Variants in SND1 observed in about 807,000 individuals in gnomAD.
SND1 encodes the protein staphylococcal nuclease domain-containing protein 1.
Under a neutral mutation model 121.7 loss-of-function variants are expected in SND1, and 38 were observed. That is an observed-to-expected ratio of 0.31 (90% CI 0.24 to 0.41). The LOEUF (loss-of-function observed/expected upper bound fraction) is 0.41. SND1 is among the 10% of genes least tolerant of loss of function. The probability of loss-of-function intolerance (pLI) is 1.00; values close to 1 mark genes in which losing one functional copy is unlikely to be tolerated. For synonymous variants in SND1, 401 were observed against 447.4 expected (o/e 0.90, Z 1.31); for missense variants, 868 against 1,184.6 (o/e 0.73, Z 3.92).
chr7:127,755,124 A>G (rs960785782), intron 10 of SND1, among the ~76,000 whole-genome samples: 13 of 152,172 alleles, frequency 8.5e-5, no homozygotes, highest in Non-Finnish European at 4.4e-5. Flanking sequence ...TGATGCCAAG[A>G]AGTGTATATT....
intron 15 of SND1, among the ~76,000 whole-genome samples, chr7:127,944,039 G>A (rs950571972): frequency 6.6e-6 from 1 of 152,170 alleles, no homozygotes; most frequent in Admixed American, 6.5e-5. Context: ...CTTCCACTAT[G>A]CCATTGGCTC....
At chr7:127,774,122 A>G (rs960408335) in intron 10 of SND1, among the ~76,000 whole-genome samples, 3 of 152,166 alleles carry the variant, frequency 2.0e-5, no homozygotes, top group Admixed American at 6.5e-5. Flanking sequence ...GGCAGTAGGT[A>G]TTTTAGAAGA....
intron 16 of SND1, among the ~76,000 whole-genome samples, 159 bp from the exon 17 acceptor site, chr7:128,074,341 TGA>T (rs1235995085): frequency 3.9e-5 from 6 of 152,168 alleles, no homozygotes; most frequent in Admixed American, 2.6e-4. Context: ...TCTGTTCCCG[TGA>T]GAGGCTGAAA....
chr7:127,673,453 A>G (rs1222563506), intron 1 of SND1, among the ~76,000 whole-genome samples: 3 of 152,138 alleles, frequency 2.0e-5, no homozygotes, highest in African/African-American at 4.8e-5. Flanking sequence ...CTGGGACTAC[A>G]GACACATGTC....
At chr7:127,940,197 C>G (rs1801162977) in intron 15 of SND1, among the ~76,000 whole-genome samples, 1 of 152,134 alleles carries the variant, frequency 6.6e-6, no homozygotes, top group Non-Finnish European at 1.5e-5. Flanking sequence ...GATGGCTTTT[C>G]TCTGTTGGAT....
At chr7:127,779,894 C>G (rs1797688071) in intron 10 of SND1, among the ~76,000 whole-genome samples, 1 of 152,226 alleles carries the variant, frequency 6.6e-6, no homozygotes, top group South Asian at 2.1e-4. Context: ...TGAGGCTTCT[C>G]TGGTCCTTTG....
chr7:128,050,032 C>A (rs550390741), intron 16 of SND1, among the ~76,000 whole-genome samples: 32 of 152,288 alleles, frequency 2.1e-4, no homozygotes, highest in African/African-American at 7.5e-4. Context: ...GGCAGGTAGC[C>A]TCAGAGACTG....
intron 16 of SND1, among the ~76,000 whole-genome samples, chr7:128,012,411 A>G (rs918501455): frequency 1.2e-4 from 19 of 152,202 alleles, no homozygotes; most frequent in African/African-American, 4.6e-4. Context: ...ACACCAGGGC[A>G]ATGGAAGACA....
chr7:127,865,808 G>T (rs1222311063), intron 12 of SND1, among the ~76,000 whole-genome samples: 1 of 151,148 alleles, frequency 6.6e-6, no homozygotes, highest in East Asian at 1.9e-4. Context: ...TAGAGACAGG[G>T]TCTTGCTATG....
At chr7:127,865,986 A>G (rs113081940) in intron 12 of SND1, among the ~76,000 whole-genome samples, 1 of 151,788 alleles carries the variant, frequency 6.6e-6, no homozygotes, top group African/African-American at 2.4e-5. Flanking sequence ...TTCATAGCCA[A>G]CATGCTTAAC....
chr7:128,025,182 G>A (rs979744362), intron 16 of SND1, among the ~76,000 whole-genome samples: 13 of 152,242 alleles, frequency 8.5e-5, no homozygotes, highest in African/African-American at 2.9e-4. Context: ...GTTCTAAAGA[G>A]AGTGAACAGC....
intron 15 of SND1, among the ~76,000 whole-genome samples, chr7:127,942,595 G>A (rs1008532862): frequency 6.6e-6 from 1 of 152,162 alleles, no homozygotes. Context: ...GCTTTCCTCT[G>A]TGAGCTCTAA....
chr7:127,839,644 T>C (rs1798928285), intron 11 of SND1, among the ~76,000 whole-genome samples: 1 of 152,184 alleles, frequency 6.6e-6, no homozygotes, highest in Non-Finnish European at 1.5e-5. Context: ...GCAATTAATA[T>C]ATAAATTTAG....
At chr7:127,712,598 C>T (rs780477705) in intron 9 of SND1, among the ~76,000 whole-genome samples, 2 of 152,138 alleles carry the variant, frequency 1.3e-5, no homozygotes, top group Non-Finnish European at 2.9e-5. Flanking sequence ...AGTGGGACTG[C>T]GGTATAAATC....
At chr7:127,873,949 C>G (rs905090774) in intron 12 of SND1, among the ~76,000 whole-genome samples, 4 of 152,148 alleles carry the variant, frequency 2.6e-5, no homozygotes, top group African/African-American at 9.7e-5. Context: ...GCTAATAGAA[C>G]TCACTGGAGC....
chr7:127,704,304 C>G (rs573161500), intron 7 of SND1, among the ~76,000 whole-genome samples: 1 of 152,242 alleles, frequency 6.6e-6, no homozygotes, highest in African/African-American at 2.4e-5. Flanking sequence ...TTGGGGTGTG[C>G]CAAGGTCATG....
intron 16 of SND1, chr7:128,028,200 T>A (rs1370254692): frequency 6.5e-6 from 1 of 152,994 alleles, no homozygotes; most frequent in African/African-American, 2.4e-5. Context: ...TATTTTTTTT[T>A]AATAAGATAA....
intron 13 of SND1, among the ~76,000 whole-genome samples, chr7:127,895,906 T>G (rs1800109580): frequency 6.6e-6 from 1 of 152,088 alleles, no homozygotes; most frequent in Non-Finnish European, 1.5e-5. Context: ...CCCTAGTTCC[T>G]TCTGACATAA....
intron 11 of SND1, among the ~76,000 whole-genome samples, chr7:127,810,942 G>A (rs185316799): frequency 1.3e-5 from 2 of 152,314 alleles, no homozygotes; most frequent in Non-Finnish European, 2.9e-5. Flanking sequence ...CAAAAATGAT[G>A]GAAAAGATGG....
Sources: allele counts gnomAD v4.1 joint callset (sites outside exome capture counted in the v4.1 genomes callset), GRCh38; gene constraint gnomAD v4.1.1; transcripts MANE v1.5; gene names NCBI Gene and HGNC (gene_info 2026-07-23, HGNC 2026-07-21).